Variants in GRM5 observed in about 807,000 individuals in gnomAD.
GRM5 encodes the protein glutamate metabotropic receptor 5, also known as metabotropic glutamate receptor 5.
Under a neutral mutation model 83.1 loss-of-function variants are expected in GRM5, and 19 were observed. That is an observed-to-expected ratio of 0.23 (90% CI 0.16 to 0.34). GRM5 has a LOEUF of 0.34. Among genes scored for constraint, GRM5 ranks in the 10% least tolerant of loss-of-function variants. The pLI is 1.00. For missense variants in GRM5, 1,160 were observed against 1,588.3 expected (o/e 0.73, Z 4.58); for synonymous variants, 675 against 633.6 (o/e 1.07, Z -0.98).
Position 88,721,877 on chromosome 11 carries a change from G to A in GRM5, c.912-68474C>T, listed in dbSNP as rs149468343. 8.2e-4 allele frequency among the ~76,000 whole-genome samples: 125 copies of A among 152,250 alleles called. No individual in the cohort carries two copies. In the Middle Eastern group the frequency reaches 0.014, roughly 17 times the overall value. On this transcript the variant is annotated intron_variant, in intron 3 of 9. Transcript: ENST00000305447. ...GCTTTTGTTCTCCACAGTACTGGAT[G>A]CAAATGTGAAAGACTGTTCACTTTT...
At chr11:88,926,109 T>C (rs1378037495) in intron 2 of GRM5, among the ~76,000 whole-genome samples, 4 of 152,130 alleles carry the variant, frequency 2.6e-5, no homozygotes, top group Non-Finnish European at 5.9e-5. Context: ...CTATGTTAGG[T>C]GCCTCCTGCA....
intron 1 of GRM5, among the ~76,000 whole-genome samples, chr11:89,060,490 G>C (rs1252977613): frequency 6.6e-6 from 1 of 151,934 alleles, no homozygotes; most frequent in African/African-American, 2.4e-5. Flanking sequence ...TTTTATAACT[G>C]AAAAGGAAAA....
chr11:88,764,822 A>C (rs1296423803), intron 3 of GRM5, among the ~76,000 whole-genome samples: 1 of 149,716 alleles, frequency 6.7e-6, no homozygotes, highest in Non-Finnish European at 1.5e-5. Flanking sequence ...CAAAGATAGA[A>C]GAAGGAAGGA....
At chr11:88,871,577 G>A (rs1944769028) in intron 2 of GRM5, among the ~76,000 whole-genome samples, 1 of 151,560 alleles carries the variant, frequency 6.6e-6, no homozygotes, top group South Asian at 2.1e-4. Context: ...AAGTTTGGAT[G>A]AAGAATAGGA....
chr11:88,723,369 G>A (rs1941593213), intron 3 of GRM5, among the ~76,000 whole-genome samples: 2 of 152,064 alleles, frequency 1.3e-5, no homozygotes. Context: ...GTGGGCATAA[G>A]TTTTCAGCTC....
At chr11:88,924,671 T>C (rs1400058721) in intron 2 of GRM5, among the ~76,000 whole-genome samples, 6 of 151,918 alleles carry the variant, frequency 3.9e-5, no homozygotes, top group East Asian at 1.9e-4. Context: ...AATGGGGAGA[T>C]GTAAGTCAAA....
chr11:88,818,599 G>T lies in GRM5; in HGVS notation c.911+31307C>A, dbSNP rs371732588. The stretch of plus-strand genomic sequence containing the variant: ...AAACACTTATTACATAGAAATTATT[G>T]CTTTGCAAGTGATAGTAGACCAATA... On this transcript the variant is annotated intron_variant, in intron 3 of 9. Transcript: ENST00000305447. 7.9e-5 allele frequency among the ~76,000 whole-genome samples: 12 copies of T among 152,020 alleles called. No homozygotes were observed. The East Asian group carries it at 2.1e-3, about 27-fold the overall frequency.
intron 2 of GRM5, among the ~76,000 whole-genome samples, chr11:88,881,706 C>T (rs374767649): frequency 2.6e-5 from 4 of 152,070 alleles, no homozygotes; most frequent in African/African-American, 9.7e-5. Flanking sequence ...ATTTGTTTTG[C>T]TCTTGCTAAC....
intron 7 of GRM5, among the ~76,000 whole-genome samples, chr11:88,579,013 C>T (rs1297433940): frequency 6.6e-6 from 1 of 152,132 alleles, no homozygotes; most frequent in Non-Finnish European, 1.5e-5. Flanking sequence ...GAGCCTTACT[C>T]TCCTGCTTAC....
intron 3 of GRM5, among the ~76,000 whole-genome samples, chr11:88,686,954 A>G (rs1026859133): frequency 2.0e-5 from 3 of 152,102 alleles, no homozygotes; most frequent in Non-Finnish European, 1.5e-5. Context: ...TACTAAACCC[A>G]CAGAGAACAG....
At position 88,649,015 on chromosome 11, in the gene GRM5, A is replaced by G. The variant is rs1220708269; in HGVS notation, c.1147+4153T>C. On this transcript the variant is annotated intron_variant, in intron 4 of 9. Coordinates refer to ENST00000305447, the MANE Select transcript of GRM5 (RefSeq NM_001143831.3). ...GTAATATACAAAGGAAATAACACCA[A>G]AGTTCATTATGGTCATTAAAACTTA... Among the ~76,000 whole-genome samples the G allele has an allele frequency of 2.7e-5, 4 of 147,522 alleles. 1 individual carries two copies. In the South Asian group the frequency reaches 6.3e-4, roughly 23 times the overall value.
At chr11:89,052,207 C>G (rs888478754) in intron 1 of GRM5, among the ~76,000 whole-genome samples, 37 of 152,064 alleles carry the variant, frequency 2.4e-4, no homozygotes, top group African/African-American at 8.5e-4. Context: ...AGGTTGGACT[C>G]AGGGGAGAGT....
chr11:88,819,063 A>AG (rs1943740606), intron 3 of GRM5, among the ~76,000 whole-genome samples: 1 of 152,188 alleles, frequency 6.6e-6, no homozygotes, highest in Non-Finnish European at 1.5e-5. Flanking sequence ...TGAAGGACAA[A>AG]TTTCAAAAGC....
At chr11:88,746,606 T>G (rs2464276) in intron 3 of GRM5, among the ~76,000 whole-genome samples, 1 of 152,042 alleles carries the variant, frequency 6.6e-6, no homozygotes, top group Admixed American at 6.6e-5. Context: ...AACATCTTTT[T>G]CCAATATACG....
At chr11:88,777,739 C>T (rs1250414280) in intron 3 of GRM5, among the ~76,000 whole-genome samples, 2 of 152,194 alleles carry the variant, frequency 1.3e-5, no homozygotes, top group Admixed American at 6.5e-5. Context: ...ACTCCATACC[C>T]CATTTGCCTG....
intron 1 of GRM5, among the ~76,000 whole-genome samples, chr11:89,057,851 G>A (rs1046445885): frequency 6.6e-6 from 1 of 152,008 alleles, no homozygotes; most frequent in African/African-American, 2.4e-5. Context: ...TTTATAAAGT[G>A]CCTTCTTTCT....
rs760260195 is a variant in GRM5 at position 88,681,008 on chromosome 11, C to T, written c.912-27605G>A. ...TTCTGTGGTTTTTGTAAGATATCCTCATGACTCATTCTATGTCTCAGAGTC... is the reference window on the plus strand; with the variant it reads ...TTCTGTGGTTTTTGTAAGATATCCTTATGACTCATTCTATGTCTCAGAGTC... On this transcript the variant is annotated intron_variant, in intron 3 of 9. Transcript: ENST00000305447. Among the ~76,000 whole-genome samples the T allele has an allele frequency of 2.6e-5, 4 of 152,296 alleles. No individual in the cohort carries two copies. In the South Asian group the frequency reaches 8.3e-4, roughly 32 times the overall value.
At chr11:88,659,573 G>A (rs1425785260) in intron 3 of GRM5, among the ~76,000 whole-genome samples, 1 of 152,040 alleles carries the variant, frequency 6.6e-6, no homozygotes, top group Non-Finnish European at 1.5e-5. Flanking sequence ...TATACTAAAA[G>A]TATTTTAACT....
At position 88,870,039 on chromosome 11, in the gene GRM5, T is replaced by C. The variant is rs140278003; in HGVS notation, c.662-19884A>G. 1.1e-3 allele frequency among the ~76,000 whole-genome samples: 162 copies of C among 151,504 alleles called. 1 individual carries two copies. The highest frequency in any genetic ancestry group is 3.9e-3 in the African/African-American group (160 of 41,444). On this transcript the variant is annotated intron_variant, in intron 2 of 9. Transcript: ENST00000305447. The stretch of plus-strand genomic sequence containing the variant: ...GGGAAGAAATAATTCTAGGGAGAGG[T>C]TAGAACTTTAGTTAGGCCACAAAGA...
Sources: gnomAD v4.1 joint callset for allele counts (sites outside exome capture counted in the v4.1 genomes callset) on GRCh38, gnomAD v4.1.1 for gene constraint, MANE v1.5 for transcripts, NCBI Gene and HGNC (gene_info 2026-07-23, HGNC 2026-07-21) for gene names.